Variants in BICDL1 observed in about 807,000 individuals in gnomAD.
BICDL1 encodes the protein BICD family-like cargo adapter 1.
BICDL1 carries 20 observed loss-of-function variants against 76.8 expected under a neutral mutation model. The ratio of observed to expected loss-of-function variants is 0.26; its 90% CI spans 0.18 to 0.38. The LOEUF (loss-of-function observed/expected upper bound fraction) is 0.38, where lower values mean the gene tolerates loss of function less well. Ranked by LOEUF, BICDL1 falls within the 10% of genes least tolerant of loss-of-function variation. The probability of loss-of-function intolerance (pLI) is 1.00; values close to 1 mark genes in which losing one functional copy is unlikely to be tolerated. For missense variants in BICDL1, 700 were observed against 798.6 expected, an observed-to-expected ratio of 0.88 and a Z score of 1.49; for synonymous variants, 383 against 337.1, an observed-to-expected ratio of 1.14 and a Z score of -1.49.
At chr12:120,045,917 T>TAATAATAATAATA (rs1555288138) in intron 2 of BICDL1, among the ~76,000 whole-genome samples, 9 of 137,634 alleles carry the variant, frequency 6.5e-5, no homozygotes, top group African/African-American at 2.5e-4. Context: ...CTTAAAGTAT[T>TAATAATAATAATA]ATAATAATAA....
intron 4 of BICDL1, among the ~76,000 whole-genome samples, chr12:120,068,863 A>T (rs1209921197): frequency 2.6e-5 from 4 of 152,158 alleles, no homozygotes; most frequent in African/African-American, 9.7e-5. Context: ...CAGCAGTAGT[A>T]ACCTCCCCAG....
At chr12:120,011,727 AC>A (rs1451698368) in intron 2 of BICDL1, among the ~76,000 whole-genome samples, 1 of 152,170 alleles carries the variant, frequency 6.6e-6, no homozygotes, top group Non-Finnish European at 1.5e-5. Flanking sequence ...TAATACATAA[AC>A]CCTAAGCTCT....
At chr12:120,027,502 G>A (rs191249364) in intron 2 of BICDL1, among the ~76,000 whole-genome samples, 1 of 152,224 alleles carries the variant, frequency 6.6e-6, no homozygotes, top group African/African-American at 2.4e-5. Context: ...TAGGGAAATT[G>A]AATTAGGTGT....
Position 120,081,010 on chromosome 12 carries a change from A to T in BICDL1, c.1576A>T (p.Ile526Phe). The change falls in exon 8 of 10, where the codon ATT (isoleucine) becomes TTT (phenylalanine). Residue 526 changes from isoleucine to phenylalanine, a missense_variant. Transcript: ENST00000548673. ...GGCCATCAGGGACCGCGACGAGGCCATTGCAAAGTGAGTAGGGATGGCTTC... is the reference window on the plus strand; with the variant it reads ...GGCCATCAGGGACCGCGACGAGGCCTTTGCAAAGTGAGTAGGGATGGCTTC... Reference protein sequence around the residue: ...QKAIRDRDEAIAKKNAVELEL... With the variant: ...QKAIRDRDEAFAKKNAVELEL... The T allele has an allele frequency of 1.2e-6, 2 of 1,612,318 alleles. No individual in the cohort carries two copies. Among genetic ancestry groups the T allele is most frequent in the Non-Finnish European group, 1.7e-6 (2 of 1,179,148 alleles).
chr12:120,043,176 T>TA (rs1952678722), intron 2 of BICDL1, among the ~76,000 whole-genome samples: 2 of 152,334 alleles, frequency 1.3e-5, no homozygotes, highest in African/African-American at 4.8e-5. Context: ...GTATGTTACC[T>TA]AGAGCAGTGC....
At chr12:120,035,001 T>A (rs1194100344) in intron 2 of BICDL1, among the ~76,000 whole-genome samples, 1 of 152,208 alleles carries the variant, frequency 6.6e-6, no homozygotes, top group Non-Finnish European at 1.5e-5. Flanking sequence ...AAGAAGATAC[T>A]TAGAGTTAGG....
chr12:120,090,343 G>T (rs907685325), intron 9 of BICDL1, among the ~76,000 whole-genome samples: 1 of 152,204 alleles, frequency 6.6e-6, no homozygotes, highest in Non-Finnish European at 1.5e-5. Flanking sequence ...TCAGCTGGTT[G>T]TCTGGGCTTT....
intron 3 of BICDL1, among the ~76,000 whole-genome samples, chr12:120,062,630 G>C (rs7958497): frequency 0.21 from 32,174 of 152,010 alleles, 4,392 homozygotes; most frequent in East Asian, 0.44. Flanking sequence ...ATAGCCTGTT[G>C]CCCTGCTCGG....
intron 2 of BICDL1, among the ~76,000 whole-genome samples, chr12:120,030,139 C>T (rs1170858655): frequency 1.3e-5 from 2 of 150,668 alleles, no homozygotes; most frequent in South Asian, 2.1e-4. Flanking sequence ...CTTGGTAACC[C>T]TTTGTGTGAG....
Position 119,990,300 on chromosome 12 carries a change from G to A in BICDL1, c.429+3G>A. ...AGGAGCTGACAGACAAGCTCGAGGTGAGGACCTCCCTCCAGGGATGGGTGG... is the reference window on the plus strand; with the variant it reads ...AGGAGCTGACAGACAAGCTCGAGGTAAGGACCTCCCTCCAGGGATGGGTGG... On this transcript the variant is annotated splice_donor_region_variant and intron_variant, in intron 1 of 9. Coordinates refer to ENST00000548673, the MANE Select transcript of BICDL1 (RefSeq NM_001367886.1). 6.4e-7 allele frequency: 1 copy of A among 1,558,906 alleles called. No individual in the cohort carries two copies.
At chr12:120,050,497 G>A (rs1225668972) in intron 2 of BICDL1, among the ~76,000 whole-genome samples, 1 of 152,082 alleles carries the variant, frequency 6.6e-6, no homozygotes, top group Non-Finnish European at 1.5e-5. Context: ...TCGATCTCCT[G>A]ACCTCGTGAT....
intron 7 of BICDL1, 122 bp downstream of exon 7, chr12:120,074,708 T>C: frequency 2.5e-6 from 2 of 785,932 alleles, no homozygotes; most frequent in Non-Finnish European, 3.1e-6. Context: ...CATCAGATCA[T>C]CAAGGAATGG....
At position 120,022,422 on chromosome 12, in the gene BICDL1, AT is replaced by A. The variant is rs995319915; in HGVS notation, c.645+23692del. ...CTTAAAAATATATATTTATATATAT[AT>A]TTTTTATATTATATATAATATATGT... On this transcript the variant is annotated intron_variant, in intron 2 of 9. Coordinates refer to ENST00000548673, the MANE Select transcript of BICDL1 (RefSeq NM_001367886.1). 6.8e-5 allele frequency among the ~76,000 whole-genome samples: 10 copies of A among 146,896 alleles called. No individual in the cohort carries two copies. The East Asian group carries it at 1.6e-3, about 23-fold the overall frequency.
chr12:120,083,253 C>T (rs1019953648), intron 8 of BICDL1, among the ~76,000 whole-genome samples: 4 of 152,016 alleles, frequency 2.6e-5, no homozygotes, highest in Admixed American at 1.3e-4. Context: ...CTGTGAATTA[C>T]TTTTTATGTA....
In BICDL1 at chr12:120,006,058, A is replaced by G. The variant is rs575674264; in HGVS notation, c.645+7322A>G. Among the ~76,000 whole-genome samples the G allele has an allele frequency of 2.5e-4, 38 of 152,316 alleles. 1 individual carries two copies. The highest frequency in any genetic ancestry group is 7.9e-4 in the African/African-American group (33 of 41,562). ...TACCTTCATCAAGAGTGCAAAACCT[A>G]TCATTCTGTATGCATACATAGTACA... On this transcript the variant is annotated intron_variant, in intron 2 of 9. Coordinates refer to ENST00000548673, the MANE Select transcript of BICDL1 (RefSeq NM_001367886.1).
intron 2 of BICDL1, among the ~76,000 whole-genome samples, chr12:120,010,404 A>G (rs1306143965): frequency 6.6e-6 from 1 of 152,244 alleles, no homozygotes; most frequent in African/African-American, 2.4e-5. Flanking sequence ...ATACATCTAC[A>G]TTATAAAATA....
intron 2 of BICDL1, among the ~76,000 whole-genome samples, chr12:120,021,288 A>G (rs1416401682): frequency 6.7e-6 from 1 of 150,082 alleles, no homozygotes; most frequent in Non-Finnish European, 1.5e-5. Context: ...CATCTCAAAA[A>G]AAAAAAGGAG....
At chr12:120,011,958 C>A (rs987807920) in intron 2 of BICDL1, among the ~76,000 whole-genome samples, 1 of 152,196 alleles carries the variant, frequency 6.6e-6, no homozygotes, top group Non-Finnish European at 1.5e-5. Context: ...GGAGATTGAA[C>A]GAGATGATTC....
At chr12:120,060,163 C>T (rs549083927) in intron 2 of BICDL1, among the ~76,000 whole-genome samples, 1 of 152,326 alleles carries the variant, frequency 6.6e-6, no homozygotes, top group African/African-American at 2.4e-5. Flanking sequence ...ATAGTATGTA[C>T]TCAGTAAATA....
Sources: allele counts gnomAD v4.1 joint callset (sites outside exome capture counted in the v4.1 genomes callset), GRCh38; gene constraint gnomAD v4.1.1; transcripts MANE v1.5; gene names NCBI Gene and HGNC (gene_info 2026-07-23, HGNC 2026-07-21).